Variants in NPAS3 observed in about 807,000 individuals in gnomAD.
NPAS3 encodes neuronal PAS domain-containing protein 3.
A neutral mutation model predicts 73.1 loss-of-function variants in NPAS3; 14 were observed. The observed-to-expected ratio is 0.19, with a 90% CI of 0.13 to 0.30. The LOEUF is 0.30. Among genes scored for constraint, NPAS3 ranks in the 10% least tolerant of loss-of-function variants. NPAS3 has a pLI of 1.00. For missense variants in NPAS3, 1,096 were observed against 1,250.0 expected (o/e 0.88, Z 1.86); for synonymous variants, 620 against 541.5 (o/e 1.14, Z -2.01).
chr14:33,696,196 G>T (rs2140429853), intron 6 of NPAS3, among the ~76,000 whole-genome samples: 1 of 152,116 alleles, frequency 6.6e-6, no homozygotes, highest in East Asian at 1.9e-4. Flanking sequence ...CTATTCATTT[G>T]TTAATATATT....
intron 4 of NPAS3, among the ~76,000 whole-genome samples, chr14:33,480,529 C>A (rs77621490): frequency 7.7e-6 from 1 of 129,412 alleles, no homozygotes; most frequent in African/African-American, 2.8e-5. Flanking sequence ...CACTCTCCCC[C>A]TCCCCGCCCC....
At chr14:33,461,482 G>T (rs1353612997) in intron 4 of NPAS3, among the ~76,000 whole-genome samples, 2 of 152,118 alleles carry the variant, frequency 1.3e-5, no homozygotes. Context: ...AGACAGTATG[G>T]GTCAAACATC....
chr14:33,463,284 A>G (rs2050358918), intron 4 of NPAS3, among the ~76,000 whole-genome samples: 1 of 152,186 alleles, frequency 6.6e-6, no homozygotes, highest in African/African-American at 2.4e-5. Flanking sequence ...ATATTTTCCT[A>G]CAAAAACTTC....
At chr14:33,506,582 C>G (rs143970846) in intron 4 of NPAS3, among the ~76,000 whole-genome samples, 3 of 152,150 alleles carry the variant, frequency 2.0e-5, no homozygotes, top group African/African-American at 7.2e-5. Context: ...TCCAAACCAT[C>G]TTCTACGAAA....
rs534925571 is a variant in NPAS3 at position 33,668,455 on chromosome 14, TAACACAAATGGAA to T, written c.559-7753_559-7741del. Among the ~76,000 whole-genome samples, 821 of 152,340 alleles carry T rather than the reference TAACACAAATGGAA, an allele frequency of 5.4e-3. 8 individuals are homozygous for T. Among genetic ancestry groups the T allele is most frequent in the African/African-American group, 0.019 (798 of 41,576 alleles). On this transcript the variant is annotated intron_variant, in intron 5 of 11. Coordinates refer to ENST00000356141, the Ensembl canonical transcript of NPAS3. The stretch of plus-strand genomic sequence containing the variant: ...GAATAAAATTACTTTGTAGCTTTCA[TAACACAAATGGAA>T]AAAATCATCCCCAGAATTATTATGG...
chr14:33,591,323 T>A (rs1259916254), intron 5 of NPAS3, among the ~76,000 whole-genome samples: 2 of 152,194 alleles, frequency 1.3e-5, no homozygotes, highest in African/African-American at 4.8e-5. Context: ...CTCCTTGTCA[T>A]GCAAGCCTAG....
intron 2 of NPAS3, among the ~76,000 whole-genome samples, chr14:33,177,271 T>G (rs1281275629): frequency 6.6e-6 from 1 of 151,840 alleles, no homozygotes; most frequent in Non-Finnish European, 1.5e-5. Context: ...TAATTTTTTG[T>G]ATTTTTAGTA....
intron 5 of NPAS3, among the ~76,000 whole-genome samples, chr14:33,592,836 T>G (rs1448077637): frequency 3.9e-5 from 6 of 152,176 alleles, no homozygotes; most frequent in Non-Finnish European, 7.3e-5. Flanking sequence ...AACCTCCGTG[T>G]TTTTCAAATA....
rs76685344 is a variant in NPAS3 at position 33,662,186 on chromosome 14, G to A, written c.559-14025G>A. 6.0e-3 allele frequency among the ~76,000 whole-genome samples: 917 copies of A among 152,328 alleles called. 6 individuals carry two copies. The highest frequency in any genetic ancestry group is 0.021 in the African/African-American group (853 of 41,574). On this transcript the variant is annotated intron_variant, in intron 5 of 11. Coordinates refer to ENST00000356141, the Ensembl canonical transcript of NPAS3. ...CCATGCCACCATATCTAGACGGCAT[G>A]GAAATGCGCAGCTAGACAAGGTACT...
intron 2 of NPAS3, among the ~76,000 whole-genome samples, chr14:33,134,838 C>A (rs944367849): frequency 1.4e-5 from 2 of 147,160 alleles, no homozygotes; most frequent in Non-Finnish European, 3.0e-5. Context: ...AAACTTTCTC[C>A]TAGTGAATGT....
intron 3 of NPAS3, among the ~76,000 whole-genome samples, chr14:33,230,634 C>T (rs184745408): frequency 2.6e-5 from 4 of 152,238 alleles, no homozygotes; most frequent in East Asian, 1.9e-4. Context: ...AAGGGTGACA[C>T]GGAGCAGAGA....
chr14:33,149,591 T>G (rs1037468100), intron 2 of NPAS3, among the ~76,000 whole-genome samples: 2 of 152,238 alleles, frequency 1.3e-5, no homozygotes, highest in Non-Finnish European at 2.9e-5. Flanking sequence ...GCTTGCAAAT[T>G]GGCTTACTTA....
chr14:33,477,112 C>A (rs901133095), intron 4 of NPAS3, among the ~76,000 whole-genome samples: 4 of 149,712 alleles, frequency 2.7e-5, no homozygotes, highest in Admixed American at 2.0e-4. Flanking sequence ...TAAATTCACC[C>A]TTTTTAGCCT....
At chr14:33,644,550 T>A (rs116479066) in intron 5 of NPAS3, among the ~76,000 whole-genome samples, 2,410 of 152,272 alleles carry the variant, frequency 0.016, 68 homozygotes, top group African/African-American at 0.055. Flanking sequence ...CTTCACAGCA[T>A]CACTTTGAGG....
At chr14:33,122,066 T>G (rs983655778) in intron 2 of NPAS3, among the ~76,000 whole-genome samples, 9 of 152,192 alleles carry the variant, frequency 5.9e-5, no homozygotes, top group Admixed American at 4.6e-4. Context: ...GCACGTTGGA[T>G]TTTTCTTCAA....
At chr14:33,361,951 A>T (rs982969076) in intron 3 of NPAS3, among the ~76,000 whole-genome samples, 1 of 152,194 alleles carries the variant, frequency 6.6e-6, no homozygotes, top group Non-Finnish European at 1.5e-5. Flanking sequence ...TTAATACTAG[A>T]AACTAACCTT....
At chr14:33,139,252 ATCAGTTGCCCTT>A (rs1208201673) in intron 2 of NPAS3, among the ~76,000 whole-genome samples, 1 of 152,212 alleles carries the variant, frequency 6.6e-6, no homozygotes, top group Non-Finnish European at 1.5e-5. Flanking sequence ...ACATGTTACC[ATCAGTTGCCCTT>A]TCTGCCGCCC....
At chr14:33,541,805 G>A (rs928768035) in intron 4 of NPAS3, among the ~76,000 whole-genome samples, 2 of 152,162 alleles carry the variant, frequency 1.3e-5, no homozygotes, top group Non-Finnish European at 2.9e-5. Context: ...TGCCTTCTTG[G>A]ATTTGGGTCA....
chr14:33,249,907 T>TATACAC (rs542163241), intron 3 of NPAS3, among the ~76,000 whole-genome samples: 21 of 146,978 alleles, frequency 1.4e-4, no homozygotes, highest in African/African-American at 3.0e-4. Flanking sequence ...AAATCTGTCA[T>TATACAC]ACACACACAC....
Sources: allele counts gnomAD v4.1 joint callset (sites outside exome capture counted in the v4.1 genomes callset), GRCh38; gene constraint gnomAD v4.1.1; transcripts MANE v1.5; gene names NCBI Gene and HGNC (gene_info 2026-07-23, HGNC 2026-07-21).